NR1D2: variants seen among roughly 807,000 people sequenced by gnomAD.
NR1D2 encodes the protein V-erbA-related protein 1-related.
NR1D2 carries 25 observed loss-of-function variants against 52.2 expected under a neutral mutation model. The ratio of observed to expected loss-of-function variants is 0.48; its 90% CI spans 0.35 to 0.67. The LOEUF (loss-of-function observed/expected upper bound fraction) is 0.67. Ranked by LOEUF, NR1D2 falls within the 30% of genes least tolerant of loss-of-function variation. The pLI is 0.01. For synonymous variants in NR1D2, 259 were observed against 230.1 expected (o/e 1.13, Z -1.14); for missense variants, 681 against 707.2 (o/e 0.96, Z 0.42).
chr3:23,972,779 T>A (rs542133779), intron 7 of NR1D2, among the ~76,000 whole-genome samples: 139 of 152,316 alleles, frequency 9.1e-4, no homozygotes, highest in African/African-American at 3.2e-3. Context: ...CTTCAACATG[T>A]GTACTCTTAA....
At chr3:23,946,339 A>C in intron 1 of NR1D2, 1 of 974,000 alleles carries the variant, frequency 1.0e-6, no homozygotes, top group Non-Finnish European at 1.2e-6. Flanking sequence ...GATTCCGAGG[A>C]GGAAGTGCAG....
chr3:23,956,106 A>G lies in NR1D2; in HGVS notation c.353A>G (p.His118Arg), dbSNP rs930792529. 1.9e-6 allele frequency: 3 copies of G among 1,613,630 alleles called. No homozygotes were observed. Among genetic ancestry groups the G allele is most frequent in the African/African-American group, 1.3e-5 (1 of 74,906 alleles). Residue 118 changes from histidine to arginine, a missense_variant, in exon 3 of 8, where the codon CAT (histidine) becomes CGT (arginine). By Grantham distance (29) the His-to-Arg change is conservative. Transcript: ENST00000312521. ...GCGTCAGGATTCCACTATGGAGTTC[A>G]TGCTTGCGAAGGCTGTAAGGTAAAG... ...DVASGFHYGVHACEGCKGFFR... is the reference protein window; with the variant it reads ...DVASGFHYGVRACEGCKGFFR...
rs545189864 is a variant in NR1D2 at position 23,946,274 on chromosome 3, C to T, written c.16+680C>T. 33 of 985,484 alleles carry T rather than the reference C, an allele frequency of 3.3e-5. No homozygotes were observed. The Admixed American group carries it at 1.5e-3, about 44-fold the overall frequency. 61.0% of individuals were successfully genotyped at this position (985,484 alleles called of 1,614,324 possible). A position where few individuals can be genotyped will look rare whatever the true frequency, so the allele number is the denominator to read the frequency against. ...GCGAGGTGACCCCAAGGCGCGGACCCCGCGCAAACCAAACGAACCGGCGCC... is the reference window on the plus strand; with the variant it reads ...GCGAGGTGACCCCAAGGCGCGGACCTCGCGCAAACCAAACGAACCGGCGCC... On this transcript the variant is annotated intron_variant, in intron 1 of 7. Transcript: ENST00000312521.
At chr3:23,964,840 T>C (rs1706396715) in intron 5 of NR1D2, 137 bp from the exon 6 acceptor site, 3 of 594,840 alleles carry the variant, frequency 5.0e-6, no homozygotes, top group African/African-American at 3.7e-5. Context: ...ATGGATGAAG[T>C]GCTAATATCT....
intron 7 of NR1D2, among the ~76,000 whole-genome samples, chr3:23,971,303 A>ATTTTTTTTTTTT (rs11457044): frequency 8.1e-6 from 1 of 123,118 alleles, no homozygotes; most frequent in African/African-American, 3.2e-5. Context: ...CTCTATACCT[A>ATTTTTTTTTTTT]TTTTTTTTTT....
rs1705974622 is a variant in NR1D2, at chr3:23,952,800, C to A, written c.17-1737C>A. Reference sequence around the variant, plus strand: ...GCATAGTAGGCACCTGTTTTATCTTCCCTTCTGGGTTGCACTCAAACCCCT... The same window carrying A: ...GCATAGTAGGCACCTGTTTTATCTTACCTTCTGGGTTGCACTCAAACCCCT... On this transcript the variant is annotated intron_variant, in intron 1 of 7. Transcript: ENST00000312521. 2.6e-5 allele frequency among the ~76,000 whole-genome samples: 4 copies of A among 151,814 alleles called. No individual in the cohort carries two copies. In the South Asian group the frequency reaches 8.3e-4, roughly 32 times the overall value.
intron 1 of NR1D2, among the ~76,000 whole-genome samples, chr3:23,953,024 G>C (rs1705985091): frequency 6.6e-6 from 1 of 151,198 alleles, no homozygotes; most frequent in Non-Finnish European, 1.5e-5. Context: ...TCAGCATTTT[G>C]CTTTGTGGAT....
rs1220069491 is a variant in NR1D2 at position 23,979,440 on chromosome 3, C to A, written c.*2021C>A. On this transcript the variant is annotated 3_prime_UTR_variant, in exon 8 of 8. Coordinates refer to ENST00000312521, the MANE Select transcript of NR1D2 (RefSeq NM_005126.5). ...AGATCATGTTGATTCTTAATTTTTG[C>A]CTTTTGCATAAGCCTCTTTATAACA... is the stretch of plus-strand genomic sequence containing the variant. 6.6e-6 allele frequency: 1 copy of A among 151,918 alleles called. No individual in the cohort carries two copies. Among genetic ancestry groups the A allele is most frequent in the Admixed American group, 6.6e-5 (1 of 15,258 alleles). 9.4% of individuals were successfully genotyped at this position (151,918 alleles called of 1,614,324 possible).
Position 23,977,921 on chromosome 3 carries a change from C to T in NR1D2, c.*502C>T, listed in dbSNP as rs1706777055. 1 of 152,168 alleles carries T rather than the reference C, an allele frequency of 6.6e-6. No individual in the cohort carries two copies. Among genetic ancestry groups the T allele is most frequent in the African/African-American group, 2.4e-5 (1 of 41,434 alleles). The allele number at this position is 152,168 out of a possible 1,614,324, so 9.4% of individuals were successfully genotyped here. On this transcript the variant is annotated 3_prime_UTR_variant, in exon 8 of 8. Transcript: ENST00000312521. ...TCTACCACTGCTAAAGTGTGTGGTCCTGGGTAGTTTACTTGCTTGCGGAAA... is the reference window on the plus strand; with the variant it reads ...TCTACCACTGCTAAAGTGTGTGGTCTTGGGTAGTTTACTTGCTTGCGGAAA...
chr3:23,951,353 T>C (rs986581805), intron 1 of NR1D2, among the ~76,000 whole-genome samples: 4 of 152,208 alleles, frequency 2.6e-5, no homozygotes, highest in Admixed American at 1.3e-4. Flanking sequence ...ATGTTAGATG[T>C]GAATTTAGTA....
At chr3:23,953,825 A>G (rs1051052104) in intron 1 of NR1D2, among the ~76,000 whole-genome samples, 5 of 152,368 alleles carry the variant, frequency 3.3e-5, no homozygotes, top group East Asian at 3.9e-4. Flanking sequence ...TCAGATAACT[A>G]TAACAGGAGG....
Position 23,968,096 on chromosome 3 carries a change from A to G in NR1D2, c.1543+73A>G, listed in dbSNP as rs1056268514. On this transcript the variant is annotated intron_variant, in intron 7 of 7. Transcript: ENST00000312521. The stretch of plus-strand genomic sequence containing the variant: ...AACTGGGGAGAAGATGGCAGTTAAC[A>G]GGGTTCCAGAAAGTTATATAGAGGG... 1.0e-5 allele frequency: 12 copies of G among 1,194,038 alleles called. No homozygotes were observed. In the African/African-American group the frequency reaches 1.8e-4, roughly 18 times the overall value. 74.0% of individuals were successfully genotyped at this position (1,194,038 alleles called of 1,614,324 possible). A position where few individuals can be genotyped will look rare whatever the true frequency, so the allele number is the denominator to read the frequency against.
intron 7 of NR1D2, among the ~76,000 whole-genome samples, chr3:23,976,000 T>C (rs1706714832): frequency 6.6e-6 from 1 of 152,202 alleles, no homozygotes; most frequent in Admixed American, 6.5e-5. Flanking sequence ...TCTTGTTAAT[T>C]ACAACCTCCC....
intron 3 of NR1D2, among the ~76,000 whole-genome samples, chr3:23,958,193 C>A (rs931465531): frequency 6.6e-6 from 1 of 152,186 alleles, no homozygotes; most frequent in Non-Finnish European, 1.5e-5. Flanking sequence ...TAACACTTAC[C>A]TGTTGCTGGC....
At chr3:23,970,040 G>A (rs186628252) in intron 7 of NR1D2, among the ~76,000 whole-genome samples, 104 of 152,314 alleles carry the variant, frequency 6.8e-4, no homozygotes, top group Admixed American at 1.8e-3. Flanking sequence ...AACTAAGCGG[G>A]GAGATTTTAA....
At chr3:23,959,836 G>GTGTT (rs779788960) in intron 4 of NR1D2, 21 bp downstream of exon 4, 1 of 1,605,324 alleles carries the variant, frequency 6.2e-7, no homozygotes, top group Non-Finnish European at 8.5e-7. Flanking sequence ...AGTTTAAAGA[G>GTGTT]TGTTCCTAAA....
At chr3:23,956,189 T>C (rs896456640) in intron 3 of NR1D2, 64 bp downstream of exon 3, 1 of 1,310,732 alleles carries the variant, frequency 7.6e-7, no homozygotes, top group African/African-American at 1.5e-5. Flanking sequence ...GGTTTAGATT[T>C]ACCCATTTGT....
intron 6 of NR1D2, among the ~76,000 whole-genome samples, chr3:23,966,385 C>G (rs1179128790): frequency 1.3e-5 from 2 of 152,200 alleles, no homozygotes; most frequent in African/African-American, 4.8e-5. Flanking sequence ...TGTGGATAGT[C>G]TCTTTGGGTG....
rs1480850174 is a variant in NR1D2 at position 23,959,742 on chromosome 3, A to T, written c.444A>T (p.Ile148=). The change falls in exon 4 of 8, where the codon ATA becomes ATT. Residue 148 remains isoleucine (I), a synonymous_variant. Transcript: ENST00000312521. ...KKCLKNENCS[I]MRMNRNRCQQ... is the part of the protein sequence containing the mutation. ...GCCTGAAGAATGAAAACTGTTCTAT[A>T]ATGAGAATGAATAGGAACAGATGTC... 6.2e-7 allele frequency: 1 copy of T among 1,613,908 alleles called. No individual in the cohort carries two copies. Among genetic ancestry groups the T allele is most frequent in the Admixed American group, 1.7e-5 (1 of 60,004 alleles).
Sources: gnomAD v4.1 joint callset for allele counts (sites outside exome capture counted in the v4.1 genomes callset) on GRCh38, gnomAD v4.1.1 for gene constraint, MANE v1.5 for transcripts, NCBI Gene and HGNC (gene_info 2026-07-23, HGNC 2026-07-21) for gene names.